Variants in CDC23 observed in about 807,000 individuals in gnomAD.
The protein encoded by CDC23 is cell division cycle protein 23 homolog.
CDC23 carries 26 observed loss-of-function variants against 81.7 expected under a neutral mutation model. The ratio of observed to expected loss-of-function variants is 0.32; its 90% CI spans 0.23 to 0.44. The LOEUF (loss-of-function observed/expected upper bound fraction) is 0.44, where lower values mean the gene tolerates loss of function less well. Among genes scored for constraint, CDC23 ranks in the 20% least tolerant of loss-of-function variants. CDC23 has a pLI of 1.00. For synonymous variants in CDC23, 267 were observed against 270.8 expected, an observed-to-expected ratio of 0.99 and a Z score of 0.14; for missense variants, 519 against 728.0, an observed-to-expected ratio of 0.71 and a Z score of 3.30.
intron 13 of CDC23, 135 bp downstream of exon 13, chr5:138,191,339 C>T (rs1042892330): frequency 1.1e-5 from 9 of 807,906 alleles, no homozygotes; most frequent in Admixed American, 7.3e-5. Flanking sequence ...ATTCACAAAC[C>T]AGCATTCACA....
At chr5:138,193,738 C>T (rs967060911) in intron 9 of CDC23, among the ~76,000 whole-genome samples, 1 of 151,920 alleles carries the variant, frequency 6.6e-6, no homozygotes, top group Non-Finnish European at 1.5e-5. Flanking sequence ...GCGGGCGGAT[C>T]ACCTGAGGTC....
chr5:138,196,194 T>G (rs1754903117), intron 9 of CDC23, among the ~76,000 whole-genome samples: 1 of 151,878 alleles, frequency 6.6e-6, no homozygotes, highest in South Asian at 2.1e-4. Flanking sequence ...TATGGATATA[T>G]TAAGGAAAAA....
intron 9 of CDC23, among the ~76,000 whole-genome samples, chr5:138,195,825 T>C: frequency 7.6e-6 from 1 of 131,486 alleles, no homozygotes. Flanking sequence ...ATATATAATA[T>C]ATATTATATA....
Position 138,198,201 on chromosome 5 carries a change from A to G in CDC23, c.1010T>C (p.Ile337Thr). 6.2e-7 allele frequency: 1 copy of G among 1,606,012 alleles called. No individual in the cohort carries two copies. The highest frequency in any genetic ancestry group is 8.5e-7 in the Non-Finnish European group (1 of 1,173,470). Residue 337 changes from isoleucine to threonine, a missense_variant and splice_region_variant, in exon 9 of 16, where the codon ATT becomes ACT. Ile to Thr is a moderately conservative substitution (Grantham distance 89, BLOSUM62 -1). Transcript: ENST00000394886. ...GAAAAAATGTAGTTAATTCTTACCA[A>G]TTACACAGCACGTTTCTACACGATA... ...DKYRVETCCV[I>T]GNYYSLRSQH... is the part of the protein sequence containing the mutation.
intron 13 of CDC23, 184 bp from the exon 14 acceptor site, chr5:138,190,090 A>AT (rs1754809558): frequency 1.7e-6 from 1 of 601,442 alleles, no homozygotes; most frequent in Non-Finnish European, 3.0e-6. Flanking sequence ...GCTTAGAATC[A>AT]TTACTCTGCT....
At chr5:138,189,586 T>C (rs1237085577) in intron 15 of CDC23, 47 bp downstream of exon 15, 4 of 1,576,232 alleles carry the variant, frequency 2.5e-6, no homozygotes, top group Non-Finnish European at 2.6e-6. Flanking sequence ...AAATATCTTA[T>C]GTTCTAGCCT....
At chr5:138,189,584 T>A (rs1754802845) in intron 15 of CDC23, 49 bp downstream of exon 15, 1 of 1,574,086 alleles carries the variant, frequency 6.4e-7, no homozygotes, top group Admixed American at 1.8e-5. Flanking sequence ...TTAAATATCT[T>A]ATGTTCTAGC....
At chr5:138,213,102 C>T (rs1205044951) in intron 1 of CDC23, 39 bp from the exon 2 acceptor site, 1 of 1,614,120 alleles carries the variant, frequency 6.2e-7, no homozygotes, top group Admixed American at 1.7e-5. Context: ...TCGACAAGCC[C>T]CCCAAGGCCA....
rs1754826872 is a variant in CDC23 at position 138,191,505 on chromosome 5, C to T, written c.1393G>A (p.Val465Met). The T allele has an allele frequency of 3.7e-6, 6 of 1,614,224 alleles. No homozygotes were observed. The highest frequency in any genetic ancestry group is 5.1e-6 in the Non-Finnish European group (6 of 1,180,020). ...AGTTTCACCAGAGCCATTTTCTCCACATCTCCCACGGCGTAAGCTCTCCAA... is the reference window on the plus strand; with the variant it reads ...AGTTTCACCAGAGCCATTTTCTCCATATCTCCCACGGCGTAAGCTCTCCAA... ...CYWRAYAVGD[V>M]EKMALVKLAK... The change falls in exon 13 of 16, where the codon GTG becomes ATG. Residue 465 changes from valine (V) to methionine (M), a missense_variant. Physicochemically the swap from Val to Met is conservative, Grantham distance 21. This residue lies in a region of CDC23 where 175 missense variants were observed against 337.8 expected (regional missense o/e 0.52). Transcript: ENST00000394886.
At chr5:138,192,000 G>T in intron 11 of CDC23, 63 bp from the exon 12 acceptor site, 1 of 1,350,480 alleles carries the variant, frequency 7.4e-7, no homozygotes, top group South Asian at 1.2e-5. Context: ...CTCTTTTGAG[G>T]AACCAGTACA....
At chr5:138,204,002 A>G (rs970398204) in intron 3 of CDC23, among the ~76,000 whole-genome samples, 1 of 152,186 alleles carries the variant, frequency 6.6e-6, no homozygotes, top group Non-Finnish European at 1.5e-5. Context: ...ACTAAAGTTG[A>G]TAACTATGTT....
intron 9 of CDC23, among the ~76,000 whole-genome samples, chr5:138,195,467 A>G (rs990490616): frequency 7.1e-6 from 1 of 140,826 alleles, no homozygotes; most frequent in Admixed American, 8.0e-5. Context: ...TCCAAAGCTT[A>G]ACTATGCTAT....
chr5:138,196,548 A>G (rs1754909089), intron 9 of CDC23, among the ~76,000 whole-genome samples: 1 of 151,396 alleles, frequency 6.6e-6, no homozygotes, highest in Non-Finnish European at 1.5e-5. Flanking sequence ...TGGCCTCCCA[A>G]AGTGCTGGGA....
intron 2 of CDC23, among the ~76,000 whole-genome samples, chr5:138,211,350 C>T (rs1052987401): frequency 2.6e-5 from 4 of 152,132 alleles, no homozygotes; most frequent in Non-Finnish European, 5.9e-5. Context: ...ACAACAGACA[C>T]CAGGGACTCC....
intron 2 of CDC23, among the ~76,000 whole-genome samples, chr5:138,208,442 C>T (rs1755077348): frequency 6.6e-6 from 1 of 152,118 alleles, no homozygotes; most frequent in Non-Finnish European, 1.5e-5. Context: ...TATCAACTCA[C>T]CACTTGTTTA....
chr5:138,196,239 T>C (rs1458592027), intron 9 of CDC23, among the ~76,000 whole-genome samples: 1 of 152,072 alleles, frequency 6.6e-6, no homozygotes, highest in African/African-American at 2.4e-5. Context: ...CCTCGAATGA[T>C]TATTAAAAGA....
In CDC23 at chr5:138,189,862, T is replaced by G; in HGVS notation, c.1469A>C (p.Tyr490Ser). Residue 490 changes from tyrosine to serine, a missense_variant, in exon 14 of 16, where the codon TAC becomes TCC. Coordinates refer to ENST00000394886, the MANE Select transcript of CDC23 (RefSeq NM_004661.4). ...LTESEQAAQC[Y>S]IKYIQDIYSC... Reference sequence around the variant, plus strand: ...ATAGATATCTTGGATATATTTGATGTAACACTGGGCAGCCTGTTCTGACTC... The same window carrying G: ...ATAGATATCTTGGATATATTTGATGGAACACTGGGCAGCCTGTTCTGACTC... 6.2e-7 allele frequency: 1 copy of G among 1,614,128 alleles called. No individual in the cohort carries two copies. Among genetic ancestry groups the G allele is most frequent in the Non-Finnish European group, 8.5e-7 (1 of 1,179,994 alleles).
Position 138,195,575 on chromosome 5 carries a change from T to TA in CDC23, c.1012+2623dup, listed in dbSNP as rs1253297915. 4.6e-3 allele frequency among the ~76,000 whole-genome samples: 275 copies of TA among 59,664 alleles called. 1 individual carries two copies. Among genetic ancestry groups the TA allele is most frequent in the African/African-American group, 0.012 (266 of 23,086 alleles). 39.1% of individuals were successfully genotyped at this position (59,664 alleles called of 152,430 possible). A position where few individuals can be genotyped will look rare whatever the true frequency, so the allele number is the denominator to read the frequency against. On this transcript the variant is annotated intron_variant, in intron 9 of 15. Transcript: ENST00000394886. Reference sequence around the variant, plus strand: ...TAATTATATATAATATATTTATATATAATATATTATATATAATATATATTA... The same window carrying TA: ...TAATTATATATAATATATTTATATATAAATATATTATATATAATATATATTA...
Position 138,187,919 on chromosome 5 carries a change from A to G in CDC23, c.*1059T>C, listed in dbSNP as rs2151234947. On this transcript the variant is annotated 3_prime_UTR_variant, in exon 16 of 16. Coordinates refer to ENST00000394886, the MANE Select transcript of CDC23 (RefSeq NM_004661.4). ...TAAAAACGTAACACAAAATTCTGGG[A>G]ATAAGAATAAAGTCTGGACCCTGAG... The G allele has an allele frequency of 6.3e-6, 1 of 159,784 alleles. No individual in the cohort carries two copies. The highest frequency in any genetic ancestry group is 1.9e-4 in the East Asian group (1 of 5,380). 9.9% of individuals were successfully genotyped at this position (159,784 alleles called of 1,614,324 possible).
Sources: gnomAD v4.1 joint callset for allele counts (sites outside exome capture counted in the v4.1 genomes callset) on GRCh38, gnomAD v4.1.1 for gene constraint, gnomAD v4.1.1 regional missense constraint, MANE v1.5 for transcripts, NCBI Gene and HGNC (gene_info 2026-07-23, HGNC 2026-07-21) for gene names.